MAEL: variants seen among roughly 807,000 people sequenced by gnomAD.
The protein encoded by MAEL is protein maelstrom homolog.
MAEL carries 46 observed loss-of-function variants against 62.0 expected under a neutral mutation model. The observed-to-expected ratio is 0.74, with a 90% CI of 0.59 to 0.95. The LOEUF (loss-of-function observed/expected upper bound fraction) is 0.95. Ranked by LOEUF, MAEL falls within the 40% of genes least tolerant of loss-of-function variation. The pLI is 0.00. For missense variants in MAEL, 497 were observed against 526.8 expected (o/e 0.94, Z 0.55); for synonymous variants, 172 against 175.5 (o/e 0.98, Z 0.16).
chr1:166,976,570 TA>T (rs1663588695), intron 1 of MAEL, among the ~76,000 whole-genome samples: 1 of 151,954 alleles, frequency 6.6e-6, no homozygotes, highest in Admixed American at 6.6e-5. Context: ...AAAGGAGGGG[TA>T]ACATCTGAGC....
chr1:166,989,198 C>T, upstream of MAEL: 1 of 996,696 alleles, frequency 1.0e-6, no homozygotes, highest in Non-Finnish European at 1.4e-6. Context: ...GCTGTTTGTT[C>T]CCCCGCGGGG....
chr1:166,985,266 G>A (rs965506617), upstream of MAEL, among the ~76,000 whole-genome samples: 1 of 152,084 alleles, frequency 6.6e-6, no homozygotes, highest in South Asian at 2.1e-4. Flanking sequence ...GTCAAGGTGC[G>A]CCACAGTGGA....
At chr1:166,985,096 A>C (rs1663873438), upstream of MAEL, among the ~76,000 whole-genome samples, 1 of 152,186 alleles carries the variant, frequency 6.6e-6, no homozygotes, top group East Asian at 1.9e-4. Context: ...GACACTGGGG[A>C]GTAGAGATGA....
At chr1:166,978,245 A>T (rs563079916) in intron 1 of MAEL, among the ~76,000 whole-genome samples, 1 of 152,202 alleles carries the variant, frequency 6.6e-6, no homozygotes, top group Non-Finnish European at 1.5e-5. Flanking sequence ...AGAGGTACAC[A>T]TGGTGTATCC....
chr1:166,978,250 G>A (rs552358645), intron 1 of MAEL, among the ~76,000 whole-genome samples: 24 of 152,320 alleles, frequency 1.6e-4, no homozygotes, highest in African/African-American at 5.1e-4. Flanking sequence ...TACACATGGT[G>A]TATCCTGAAT....
chr1:166,999,569 A>G (rs1441003019), intron 5 of MAEL, among the ~76,000 whole-genome samples: 4 of 152,250 alleles, frequency 2.6e-5, no homozygotes, highest in Admixed American at 1.3e-4. Flanking sequence ...TGAAGGAGCA[A>G]GTGCTGACGT....
chr1:166,977,323 A>C (rs1663623557), intron 1 of MAEL, among the ~76,000 whole-genome samples: 1 of 152,188 alleles, frequency 6.6e-6, no homozygotes, highest in African/African-American at 2.4e-5. Flanking sequence ...CATATACAGA[A>C]AAATAAAAAT....
In MAEL at chr1:166,989,813, G is replaced by C; in HGVS notation, c.209G>C (p.Gly70Ala). 1 of 1,612,598 alleles carries C rather than the reference G, an allele frequency of 6.2e-7. No homozygotes were observed. The highest frequency in any genetic ancestry group is 1.1e-5 in the South Asian group (1 of 90,796). The change falls in exon 2 of 12, where the codon GGG becomes GCG. Residue 70 changes from glycine to alanine, a missense_variant. Physicochemically the swap from Gly to Ala is moderately conservative, Grantham distance 60 (BLOSUM62 0). Coordinates refer to ENST00000367872, the MANE Select transcript of MAEL (RefSeq NM_032858.3). ...AGGGCCGCTCAGGGAAAGGACCCTGGGCCCTCAGAGAAGCAGGTAAAGTTA... is the reference window on the plus strand; with the variant it reads ...AGGGCCGCTCAGGGAAAGGACCCTGCGCCCTCAGAGAAGCAGGTAAAGTTA... Reference protein sequence around the residue: ...EWRAAQGKDPGPSEKQKPVFT... With the variant: ...EWRAAQGKDPAPSEKQKPVFT...
chr1:167,016,661 A>G (rs1665402707), intron 9 of MAEL, among the ~76,000 whole-genome samples: 1 of 152,026 alleles, frequency 6.6e-6, no homozygotes, highest in Non-Finnish European at 1.5e-5. Context: ...AACGAAATAC[A>G]TTGAAGAAAT....
upstream of MAEL, among the ~76,000 whole-genome samples, chr1:166,986,982 T>G (rs1571237035): frequency 1.2e-5 from 1 of 86,016 alleles, no homozygotes; most frequent in Non-Finnish European, 2.7e-5. Context: ...GTGTGTGTGT[T>G]TAAAATTACA....
intron 2 of MAEL, 60 bp downstream of exon 2, chr1:166,989,889 C>T: frequency 7.5e-7 from 1 of 1,336,622 alleles, no homozygotes; most frequent in Non-Finnish European, 1.0e-6. Context: ...TCAGTAAAGG[C>T]TGGATGAGTG....
At chr1:166,984,642 C>T (rs975619627), upstream of MAEL, among the ~76,000 whole-genome samples, 13 of 152,238 alleles carry the variant, frequency 8.5e-5, no homozygotes, top group Admixed American at 5.9e-4. Context: ...ATGGTCAAGC[C>T]GAAATCCCTG....
chr1:167,009,250 G>C (rs1458260628), intron 8 of MAEL, among the ~76,000 whole-genome samples: 2 of 152,128 alleles, frequency 1.3e-5, no homozygotes, highest in Admixed American at 1.3e-4. Context: ...ACAGTAAATT[G>C]ATCAGGGGCT....
chr1:166,992,335 T>G (rs1385303142), intron 3 of MAEL, among the ~76,000 whole-genome samples: 1 of 152,178 alleles, frequency 6.6e-6, no homozygotes, highest in Admixed American at 6.5e-5. Flanking sequence ...TCTGCTCAGC[T>G]TCGTTTCCCA....
intron 10 of MAEL, among the ~76,000 whole-genome samples, chr1:167,018,525 TAAAC>T (rs1449670346): frequency 1.3e-5 from 2 of 152,100 alleles, no homozygotes; most frequent in African/African-American, 4.8e-5. Context: ...TTTTATGTAT[TAAAC>T]AAGAACAATA....
intron 5 of MAEL, among the ~76,000 whole-genome samples, chr1:166,999,457 C>T (rs189602369): frequency 2.6e-5 from 4 of 152,216 alleles, no homozygotes; most frequent in East Asian, 3.9e-4. Flanking sequence ...CTGTGAAAGC[C>T]GAGAGAGGTG....
intron 2 of MAEL, 146 bp downstream of exon 2, chr1:166,989,975 G>A: frequency 1.5e-6 from 1 of 648,354 alleles, no homozygotes; most frequent in East Asian, 2.8e-5. Flanking sequence ...TTCCCCTGGT[G>A]TCAGAATGCC....
chr1:167,004,397 G>T, intron 6 of MAEL, 93 bp downstream of exon 6: 1 of 1,177,504 alleles, frequency 8.5e-7, no homozygotes, highest in Non-Finnish European at 1.2e-6. Flanking sequence ...ATTTTTGTCT[G>T]TATATTGTGT....
intron 3 of MAEL, 91 bp downstream of exon 3, chr1:166,991,568 C>T (rs1229921540): frequency 1.3e-6 from 1 of 769,090 alleles, no homozygotes; most frequent in Admixed American, 2.0e-5. Flanking sequence ...TCATTTTGAT[C>T]CTCCGTTTCA....
Sources: gnomAD v4.1 joint callset for allele counts (sites outside exome capture counted in the v4.1 genomes callset) on GRCh38, gnomAD v4.1.1 for gene constraint, MANE v1.5 for transcripts, NCBI Gene and HGNC (gene_info 2026-07-23, HGNC 2026-07-21) for gene names.